PDE1A: variants seen among roughly 807,000 people sequenced by gnomAD.
PDE1A encodes the protein dual specificity calcium/calmodulin-dependent 3',5'-cyclic nucleotide phosphodiesterase 1A.
PDE1A carries 35 observed loss-of-function variants against 61.7 expected under a neutral mutation model. That is an observed-to-expected ratio of 0.57 (90% CI 0.43 to 0.75). PDE1A has a LOEUF of 0.75. Among genes scored for constraint, PDE1A ranks in the 30% least tolerant of loss-of-function variants. The pLI, the probability that PDE1A is intolerant of heterozygous loss-of-function variation, is 0.00. For synonymous variants in PDE1A, 232 were observed against 213.2 expected (o/e 1.09, Z -0.77); for missense variants, 597 against 630.6 (o/e 0.95, Z 0.57).
At chr2:182,616,532 T>C in the PDE1A span, among the ~76,000 whole-genome samples, 4 of 152,324 alleles carry the variant, frequency 2.6e-5, no homozygotes, top group African/African-American at 9.6e-5. Flanking sequence ...GCAACTCCAA[T>C]AGAAAATCAT....
At chr2:182,451,432 T>C (rs1306768348) in intron 2 of PDE1A, among the ~76,000 whole-genome samples, 2 of 151,826 alleles carry the variant, frequency 1.3e-5, no homozygotes, top group African/African-American at 2.4e-5. Flanking sequence ...AAAGTATTAG[T>C]ATGTATGTGG....
chr2:182,508,594 A>G (rs918942347), intron 2 of PDE1A, among the ~76,000 whole-genome samples: 16 of 151,824 alleles, frequency 1.1e-4, no homozygotes, highest in Admixed American at 8.5e-4. Context: ...ACTGAATAAC[A>G]GAATACCTAA....
intron 1 of PDE1A, among the ~76,000 whole-genome samples, chr2:182,324,290 C>G (rs1436254016): frequency 6.6e-6 from 1 of 151,862 alleles, no homozygotes; most frequent in Non-Finnish European, 1.5e-5. Flanking sequence ...TCACAAGAAT[C>G]TTGACTTCAA....
chr2:182,149,404 A>G (rs1001229211), intron 13 of PDE1A, among the ~76,000 whole-genome samples: 3 of 152,226 alleles, frequency 2.0e-5, no homozygotes, highest in Non-Finnish European at 1.5e-5. Context: ...TATTATACCC[A>G]ATAATAATTC....
the PDE1A span, among the ~76,000 whole-genome samples, chr2:182,529,475 T>C: frequency 6.6e-6 from 1 of 152,234 alleles, no homozygotes; most frequent in Non-Finnish European, 1.5e-5. Flanking sequence ...CAGAAGGGAC[T>C]TGCCTTGTCT....
At chr2:182,596,786 G>A in the PDE1A span, among the ~76,000 whole-genome samples, 3 of 152,156 alleles carry the variant, frequency 2.0e-5, no homozygotes, top group Admixed American at 2.0e-4. Context: ...AATGAAAGCT[G>A]TAGAGTAACC....
At chr2:182,429,972 A>T (rs973531086), upstream of PDE1A, among the ~76,000 whole-genome samples, 1 of 152,210 alleles carries the variant, frequency 6.6e-6, no homozygotes, top group Non-Finnish European at 1.5e-5. Context: ...TTTTTGTTAA[A>T]CAACATTTAA....
the PDE1A span, among the ~76,000 whole-genome samples, chr2:182,644,261 C>CTGTG: frequency 7.6e-4 from 52 of 68,356 alleles, no homozygotes; most frequent in South Asian, 5.0e-3. Context: ...AGTCTTAAGA[C>CTGTG]TCTGTGTGTG....
intron 2 of PDE1A, among the ~76,000 whole-genome samples, chr2:182,461,045 A>G (rs1455546312): frequency 2.0e-5 from 3 of 152,170 alleles, no homozygotes; most frequent in Admixed American, 1.3e-4. Context: ...TTAATATACT[A>G]AAGTACCCTA....
intron 1 of PDE1A, among the ~76,000 whole-genome samples, chr2:182,348,929 T>A (rs906805520): frequency 5.8e-4 from 88 of 151,988 alleles, no homozygotes; most frequent in Admixed American, 3.5e-3. Flanking sequence ...GTAAAGGAGG[T>A]GGGACAGTTT....
intron 2 of PDE1A, among the ~76,000 whole-genome samples, chr2:182,507,566 G>A (rs1005700277): frequency 6.6e-6 from 1 of 152,084 alleles, no homozygotes; most frequent in South Asian, 2.1e-4. Flanking sequence ...ATTTGGTAAG[G>A]GCCCACTGGC....
At chr2:182,682,972 T>G in the PDE1A span, among the ~76,000 whole-genome samples, 1 of 152,218 alleles carries the variant, frequency 6.6e-6, no homozygotes, top group African/African-American at 2.4e-5. Context: ...TTGTGTGAGT[T>G]TTATGTTTCT....
At chr2:182,711,321 G>A in the PDE1A span, among the ~76,000 whole-genome samples, 4 of 152,018 alleles carry the variant, frequency 2.6e-5, no homozygotes, top group South Asian at 4.1e-4. Flanking sequence ...CAGTGATAAC[G>A]AGAACCAGTT....
intron 2 of PDE1A, among the ~76,000 whole-genome samples, chr2:182,459,904 C>T (rs1345815242): frequency 6.6e-6 from 1 of 152,178 alleles, no homozygotes; most frequent in Non-Finnish European, 1.5e-5. Context: ...CAAATAGGAG[C>T]TCAATAAATA....
the PDE1A span, among the ~76,000 whole-genome samples, chr2:182,610,511 T>A: frequency 6.6e-6 from 1 of 152,032 alleles, no homozygotes; most frequent in Non-Finnish European, 1.5e-5. Context: ...TTCTCAAAAA[T>A]CTTCTGTGGG....
At chr2:182,479,568 G>A (rs1287940779) in intron 2 of PDE1A, among the ~76,000 whole-genome samples, 1 of 151,660 alleles carries the variant, frequency 6.6e-6, no homozygotes, top group East Asian at 1.9e-4. Flanking sequence ...GCCAGACTTA[G>A]GACACATGAC....
At chr2:182,553,397 T>C in the PDE1A span, among the ~76,000 whole-genome samples, 1 of 152,200 alleles carries the variant, frequency 6.6e-6, no homozygotes, top group Non-Finnish European at 1.5e-5. Context: ...CAACGGCTGA[T>C]ATTTGTATTT....
chr2:182,204,515 T>G (rs193114343), intron 8 of PDE1A, among the ~76,000 whole-genome samples: 122 of 152,092 alleles, frequency 8.0e-4, no homozygotes, highest in Non-Finnish European at 9.7e-4. Context: ...CCACTCCACA[T>G]AAAGACAGAG....
chr2:182,494,359 C>T (rs1000152150), intron 2 of PDE1A, among the ~76,000 whole-genome samples: 8 of 151,790 alleles, frequency 5.3e-5, no homozygotes, highest in Non-Finnish European at 1.0e-4. Flanking sequence ...AAGATTTATA[C>T]CTTCTGTTAC....
Sources: gnomAD v4.1 joint callset for allele counts (sites outside exome capture counted in the v4.1 genomes callset) on GRCh38, gnomAD v4.1.1 for gene constraint, MANE v1.5 for transcripts, NCBI Gene and HGNC (gene_info 2026-07-23, HGNC 2026-07-21) for gene names.